The following MMP16 variants were observed in gnomAD, a reference collection of about 807,000 sequenced individuals.
MMP16 encodes matrix metallopeptidase 16, also known as matrix metalloproteinase-16.
MMP16 carries 12 observed loss-of-function variants against 67.8 expected under a neutral mutation model. The observed-to-expected ratio is 0.18, with a 90% CI of 0.11 to 0.29. The LOEUF (loss-of-function observed/expected upper bound fraction) is 0.29. MMP16 is among the 10% of genes least tolerant of loss of function. The pLI is 1.00. For synonymous variants in MMP16, 249 were observed against 255.9 expected (o/e 0.97, Z 0.26); for missense variants, 475 against 765.7 (o/e 0.62, Z 4.48).
chr8:88,154,869 CA>C (rs1315350398), intron 4 of MMP16, among the ~76,000 whole-genome samples: 277 of 89,374 alleles, frequency 3.1e-3, no homozygotes, highest in South Asian at 7.0e-3. Context: ...AAGTATAATA[CA>C]AAAAAAAAAA....
chr8:88,109,163 G>T (rs1232569642), intron 6 of MMP16, among the ~76,000 whole-genome samples: 4 of 151,210 alleles, frequency 2.6e-5, no homozygotes, highest in African/African-American at 9.7e-5. Context: ...GTAATCCAAT[G>T]AGTTATTCAT....
At chr8:88,290,249 C>T (rs1277422370) in intron 1 of MMP16, among the ~76,000 whole-genome samples, 2 of 152,066 alleles carry the variant, frequency 1.3e-5, no homozygotes, top group African/African-American at 4.8e-5. Flanking sequence ...ATCTCTGTTT[C>T]TCTTAAAAAT....
At chr8:88,050,648 T>C (rs1808258344) in intron 8 of MMP16, among the ~76,000 whole-genome samples, 1 of 152,222 alleles carries the variant, frequency 6.6e-6, no homozygotes, top group South Asian at 2.1e-4. Context: ...GGGTATCATA[T>C]TATTCAAAGA....
Position 88,250,830 on chromosome 8 carries a change from GGTTA to G in MMP16, c.133-53528_133-53525del, listed in dbSNP as rs1364227468. ...TTAGGGTACATGTGCACATTGTGCA[GGTTA>G]GTTACATACGCATACATGTGCCATG... On this transcript the variant is annotated intron_variant, in intron 1 of 9. Coordinates refer to ENST00000286614, the MANE Select transcript of MMP16 (RefSeq NM_005941.5). Among the ~76,000 whole-genome samples, 5 of 150,402 alleles carry G rather than the reference GGTTA, an allele frequency of 3.3e-5. No individual in the cohort carries two copies. In the East Asian group the frequency reaches 9.9e-4, roughly 30 times the overall value.
intron 7 of MMP16, among the ~76,000 whole-genome samples, chr8:88,066,820 G>C (rs1310423370): frequency 6.6e-6 from 1 of 151,816 alleles, no homozygotes; most frequent in African/African-American, 2.4e-5. Flanking sequence ...AAAATTTGAG[G>C]GATCTGATGC....
intron 1 of MMP16, among the ~76,000 whole-genome samples, chr8:88,240,159 A>G (rs1810012379): frequency 6.6e-6 from 1 of 152,236 alleles, no homozygotes; most frequent in South Asian, 2.1e-4. Flanking sequence ...ATGCACGGAC[A>G]TGAACCCTTT....
At chr8:88,288,636 TA>T (rs1810871241) in intron 1 of MMP16, among the ~76,000 whole-genome samples, 1 of 152,220 alleles carries the variant, frequency 6.6e-6, no homozygotes, top group African/African-American at 2.4e-5. Flanking sequence ...AATATTTTTT[TA>T]AAACAAAGAA....
chr8:88,279,721 G>C (rs1810702744), intron 1 of MMP16, among the ~76,000 whole-genome samples: 1 of 152,142 alleles, frequency 6.6e-6, no homozygotes, highest in Admixed American at 6.6e-5. Context: ...ACAAAATATG[G>C]AGGGAGGAGT....
chr8:88,258,746 G>T (rs892348165), intron 1 of MMP16, among the ~76,000 whole-genome samples: 4 of 151,904 alleles, frequency 2.6e-5, no homozygotes, highest in Admixed American at 2.6e-4. Flanking sequence ...TGTTGCTATT[G>T]TTCGCCTATC....
chr8:88,325,225 CATA>C (rs1811518189), intron 1 of MMP16, among the ~76,000 whole-genome samples: 1 of 152,078 alleles, frequency 6.6e-6, no homozygotes, highest in Non-Finnish European at 1.5e-5. Flanking sequence ...AACTTTTTTG[CATA>C]ATAATATCTG....
intron 1 of MMP16, among the ~76,000 whole-genome samples, chr8:88,278,189 T>C (rs2129987787): frequency 6.6e-6 from 1 of 152,322 alleles, no homozygotes; most frequent in Middle Eastern, 3.4e-3. Context: ...CTGAAACCTG[T>C]ATTTTTGGCT....
At chr8:88,147,374 A>G (rs1257194718) in intron 4 of MMP16, among the ~76,000 whole-genome samples, 1 of 152,058 alleles carries the variant, frequency 6.6e-6, no homozygotes, top group Non-Finnish European at 1.5e-5. Flanking sequence ...TATCCAATAA[A>G]CTTTTCTTTT....
intron 6 of MMP16, 106 bp downstream of exon 6, chr8:88,116,401 G>T: frequency 1.0e-6 from 1 of 965,670 alleles, no homozygotes; most frequent in Non-Finnish European, 1.5e-6. Context: ...CTTTCTAACT[G>T]TGAGAGGGCT....
At chr8:88,259,606 T>TA (rs1037744376) in intron 1 of MMP16, among the ~76,000 whole-genome samples, 5 of 143,446 alleles carry the variant, frequency 3.5e-5, no homozygotes, top group African/African-American at 1.0e-4. Flanking sequence ...AAAATAAAAA[T>TA]AAAAAAAAGA....
At chr8:88,118,391 T>C (rs1229889347) in intron 5 of MMP16, among the ~76,000 whole-genome samples, 1 of 152,094 alleles carries the variant, frequency 6.6e-6, no homozygotes, top group East Asian at 1.9e-4. Context: ...ATTTATTACA[T>C]ATTTTTACCT....
rs573638984 is a variant in MMP16 at position 88,222,431 on chromosome 8, C to A, written c.133-25125G>T. Among the ~76,000 whole-genome samples, 536 of 152,252 alleles carry A rather than the reference C, an allele frequency of 3.5e-3. 4 individuals carry two copies. Among genetic ancestry groups the A allele is most frequent in the African/African-American group, 0.012 (512 of 41,548 alleles). ...GAACAAAGCTGGAGGCATCACGCTACCTGACTTCAAACTATACCACAAGGC... is the reference window on the plus strand; with the variant it reads ...GAACAAAGCTGGAGGCATCACGCTAACTGACTTCAAACTATACCACAAGGC... On this transcript the variant is annotated intron_variant, in intron 1 of 9. Coordinates refer to ENST00000286614, the MANE Select transcript of MMP16 (RefSeq NM_005941.5).
intron 6 of MMP16, among the ~76,000 whole-genome samples, chr8:88,108,684 A>G (rs962055532): frequency 1.3e-5 from 2 of 151,326 alleles, no homozygotes; most frequent in African/African-American, 4.8e-5. Flanking sequence ...AAAACTGTCA[A>G]TTACTGTCCT....
At position 88,058,948 on chromosome 8, in the gene MMP16, G is replaced by T. The variant is rs1489026279; in HGVS notation, c.1223-2670C>A. 6.6e-6 allele frequency among the ~76,000 whole-genome samples: 1 copy of T among 152,048 alleles called. No homozygotes were observed. The highest frequency in any genetic ancestry group is 2.4e-5 in the African/African-American group (1 of 41,414). ...ATGGAATTGATAGGCATTGCCAAGG[G>T]AAATAAAATAAAGATAATATTAAGA... is the stretch of plus-strand genomic sequence containing the variant. On this transcript the variant is annotated intron_variant, in intron 7 of 9. Transcript: ENST00000286614. The surrounding 1 kb of genome is among the most constrained non-coding windows in gnomAD (Gnocchi z 4.2).
At chr8:88,234,268 A>T (rs1809907137) in intron 1 of MMP16, among the ~76,000 whole-genome samples, 1 of 152,196 alleles carries the variant, frequency 6.6e-6, no homozygotes, top group Admixed American at 6.5e-5. Flanking sequence ...TGTCATTTTG[A>T]AACTGTAATT....
Sources: gnomAD v4.1 joint callset for allele counts (sites outside exome capture counted in the v4.1 genomes callset) on GRCh38, gnomAD v4.1.1 for gene constraint, Gnocchi (gnomAD v3.1) non-coding constraint, MANE v1.5 for transcripts, NCBI Gene and HGNC (gene_info 2026-07-23, HGNC 2026-07-21) for gene names.